C1orf21: variants seen among roughly 807,000 people sequenced by gnomAD.
C1orf21 encodes the protein chromosome 1 open reading frame 21, also known as uncharacterized protein C1orf21.
A neutral mutation model predicts 18.7 loss-of-function variants in C1orf21; 3 were observed. The observed-to-expected ratio is 0.16, with a 90% CI of 0.07 to 0.42. The LOEUF (loss-of-function observed/expected upper bound fraction) is 0.42, where lower values mean the gene tolerates loss of function less well. Among genes scored for constraint, C1orf21 ranks in the 10% least tolerant of loss-of-function variants. The pLI is 0.99. For missense variants in C1orf21, 104 were observed against 143.6 expected, an observed-to-expected ratio of 0.72 and a Z score of 1.41; for synonymous variants, 41 against 46.4, an observed-to-expected ratio of 0.88 and a Z score of 0.47.
At chr1:184,493,871 A>G (rs193113120) in intron 2 of C1orf21, among the ~76,000 whole-genome samples, 1 of 152,326 alleles carries the variant, frequency 6.6e-6, no homozygotes, top group Admixed American at 6.5e-5. Flanking sequence ...GCATGTTAAA[A>G]TGAAAGACAA....
intron 3 of C1orf21, among the ~76,000 whole-genome samples, chr1:184,516,951 G>A (rs573442998): frequency 8.1e-4 from 123 of 152,336 alleles, no homozygotes; most frequent in African/African-American, 2.9e-3. Context: ...AAACTGGGAA[G>A]TGGCCCTGAT....
chr1:184,458,094 C>T (rs140480143), intron 1 of C1orf21, among the ~76,000 whole-genome samples: 1 of 152,020 alleles, frequency 6.6e-6, no homozygotes, highest in Non-Finnish European at 1.5e-5. Flanking sequence ...TGATTCTACC[C>T]CAATCTGACT....
intron 4 of C1orf21, 79 bp from the exon 5 acceptor site, chr1:184,598,322 G>A (rs1659544548): frequency 3.0e-6 from 4 of 1,328,488 alleles, no homozygotes; most frequent in Non-Finnish European, 4.2e-6. Context: ...CAAAGTTTGG[G>A]GACTCTGCAT....
chr1:184,444,980 C>T (rs528043919), intron 1 of C1orf21, among the ~76,000 whole-genome samples: 4 of 152,096 alleles, frequency 2.6e-5, no homozygotes, highest in South Asian at 2.1e-4. Flanking sequence ...TCATGTGTAG[C>T]GTGACTTGTG....
chr1:184,497,545 A>C (rs1277478332), intron 2 of C1orf21, among the ~76,000 whole-genome samples: 1 of 152,198 alleles, frequency 6.6e-6, no homozygotes, highest in African/African-American at 2.4e-5. Context: ...TGATTTTGGG[A>C]GATCTGCAGT....
intron 1 of C1orf21, among the ~76,000 whole-genome samples, chr1:184,473,777 C>T (rs1000146385): frequency 5.9e-5 from 9 of 152,170 alleles, no homozygotes; most frequent in African/African-American, 1.9e-4. Context: ...GGTGAACTCT[C>T]TTGTCATCCT....
chr1:184,599,277 C>G (rs1659556369), intron 5 of C1orf21: 1 of 152,054 alleles, frequency 6.6e-6, no homozygotes, highest in Non-Finnish European at 1.5e-5. Flanking sequence ...TGATTTTTAC[C>G]TTTGAAATCT....
chr1:184,486,742 GGTATCATGAGCCTGTTCTTTTGAA>G (rs966523300), intron 2 of C1orf21, among the ~76,000 whole-genome samples: 3 of 152,144 alleles, frequency 2.0e-5, no homozygotes, highest in Non-Finnish European at 4.4e-5. Flanking sequence ...CTTGCCAGCT[GGTATCATGAGCCTGTTCTTTTGAA>G]GTTAGAGAGA....
intron 3 of C1orf21, among the ~76,000 whole-genome samples, chr1:184,525,389 C>T (rs1280446910): frequency 6.6e-6 from 1 of 151,996 alleles, no homozygotes. Context: ...TTATTCCTTT[C>T]TTTGGTGACC....
chr1:184,581,200 G>A (rs1332199154), intron 3 of C1orf21, among the ~76,000 whole-genome samples: 3 of 152,306 alleles, frequency 2.0e-5, no homozygotes, highest in Non-Finnish European at 4.4e-5. Context: ...GCCAAGGCAG[G>A]TGGATCACCT....
chr1:184,603,285 C>A (rs899205145), intron 5 of C1orf21, among the ~76,000 whole-genome samples: 6 of 152,240 alleles, frequency 3.9e-5, no homozygotes, highest in African/African-American at 1.4e-4. Context: ...TGACACCATG[C>A]AAACTCATTC....
intron 2 of C1orf21, among the ~76,000 whole-genome samples, chr1:184,505,061 G>C (rs1658033120): frequency 6.6e-6 from 1 of 152,088 alleles, no homozygotes; most frequent in Admixed American, 6.6e-5. Flanking sequence ...TCCCTGGAGG[G>C]ATAAGAAAAT....
At chr1:184,481,217 A>G (rs1360922710) in intron 2 of C1orf21, among the ~76,000 whole-genome samples, 1 of 152,220 alleles carries the variant, frequency 6.6e-6, no homozygotes, top group African/African-American at 2.4e-5. Flanking sequence ...TGGTTACAAG[A>G]CAACTTGAAG....
At chr1:184,476,887 G>A (rs1054339182) in intron 1 of C1orf21, among the ~76,000 whole-genome samples, 1 of 152,106 alleles carries the variant, frequency 6.6e-6, no homozygotes, top group African/African-American at 2.4e-5. Context: ...CCATGTACCA[G>A]TCTGAGGAGG....
intron 1 of C1orf21, among the ~76,000 whole-genome samples, chr1:184,450,767 G>A (rs1243661446): frequency 2.0e-5 from 3 of 152,102 alleles, no homozygotes; most frequent in Non-Finnish European, 4.4e-5. Context: ...ACCTATTTTT[G>A]TTCTTATTAA....
intron 5 of C1orf21, among the ~76,000 whole-genome samples, chr1:184,600,166 GT>G (rs573987191): frequency 2.6e-4 from 39 of 148,676 alleles, no homozygotes; most frequent in South Asian, 6.5e-4. Flanking sequence ...TCCAATGTGG[GT>G]TTTTTTTTTC....
At chr1:184,407,473 T>A (rs1251180173) in intron 1 of C1orf21, among the ~76,000 whole-genome samples, 1 of 152,214 alleles carries the variant, frequency 6.6e-6, no homozygotes, top group Non-Finnish European at 1.5e-5. Context: ...CAGGTAAGAT[T>A]TTCTTTTTAA....
At chr1:184,408,890 G>A (rs1656289179) in intron 1 of C1orf21, among the ~76,000 whole-genome samples, 1 of 152,122 alleles carries the variant, frequency 6.6e-6, no homozygotes, top group Non-Finnish European at 1.5e-5. Context: ...GCACATTAGG[G>A]TCCTTTTATT....
intron 3 of C1orf21, among the ~76,000 whole-genome samples, chr1:184,518,958 G>A (rs572191303): frequency 6.6e-6 from 1 of 152,196 alleles, no homozygotes; most frequent in Admixed American, 6.5e-5. Context: ...TGGAGACGTG[G>A]CATGAATAAC....
Sources: gnomAD v4.1 joint callset for allele counts (sites outside exome capture counted in the v4.1 genomes callset) on GRCh38, gnomAD v4.1.1 for gene constraint, MANE v1.5 for transcripts, NCBI Gene and HGNC (gene_info 2026-07-23, HGNC 2026-07-21) for gene names.